The following OPCML variants were observed in gnomAD, a reference collection of about 807,000 sequenced individuals.
The protein encoded by OPCML is opioid binding protein/cell adhesion molecule like.
OPCML carries 13 observed loss-of-function variants against 37.8 expected under a neutral mutation model. The observed-to-expected ratio is 0.34, with a 90% CI of 0.22 to 0.55. The LOEUF (loss-of-function observed/expected upper bound fraction) is 0.55, where lower values mean the gene tolerates loss of function less well. OPCML is among the 20% of genes least tolerant of loss of function. OPCML has a pLI of 0.91. For missense variants in OPCML, 341 were observed against 435.6 expected (o/e 0.78, Z 1.93); for synonymous variants, 176 against 168.8 (o/e 1.04, Z -0.33).
chr11:133,304,540 A>G (rs181858266), intron 1 of OPCML, among the ~76,000 whole-genome samples: 333 of 152,320 alleles, frequency 2.2e-3, no homozygotes, highest in Non-Finnish European at 4.0e-3. Context: ...GTGCTTGGCC[A>G]TTCTATGCCG....
intron 1 of OPCML, among the ~76,000 whole-genome samples, chr11:133,377,574 CAA>C (rs1263080620): frequency 1.5e-5 from 2 of 131,944 alleles, no homozygotes; most frequent in Admixed American, 1.8e-4. Context: ...ACTCCCAGAC[CAA>C]GTCTCGTTAT....
At chr11:133,279,844 AT>A (rs1942096093) in intron 1 of OPCML, among the ~76,000 whole-genome samples, 1 of 152,204 alleles carries the variant, frequency 6.6e-6, no homozygotes, top group South Asian at 2.1e-4. Context: ...TTTTAAATTT[AT>A]TTTTCTCTCA....
rs1039334278 is a variant in OPCML, at chr11:133,005,576, C to A, written c.62-62566G>T. On this transcript the variant is annotated intron_variant, in intron 1 of 7. Coordinates refer to ENST00000524381, the MANE Select transcript of OPCML (RefSeq NM_001012393.5). ...ATTTTTGAAAAATATTTTAATATATCCCTTTCCTTAGGGACTACAGATGTT... is the reference window on the plus strand; with the variant it reads ...ATTTTTGAAAAATATTTTAATATATACCTTTCCTTAGGGACTACAGATGTT... The A allele has an allele frequency of 3.0e-5, 30 of 985,104 alleles. No individual in the cohort carries two copies. The African/African-American group carries it at 4.9e-4, about 16-fold the overall frequency. The allele number at this position is 985,104 out of a possible 1,614,324, so 61.0% of individuals were successfully genotyped here. A position where few individuals can be genotyped will look rare whatever the true frequency, so the allele number is the denominator to read the frequency against.
intron 2 of OPCML, among the ~76,000 whole-genome samples, chr11:132,846,801 C>T: frequency 6.6e-6 from 1 of 152,154 alleles, no homozygotes; most frequent in East Asian, 1.9e-4. Context: ...CAGGGAACTC[C>T]CTACCTTCCT....
chr11:132,605,859 T>C (rs1208957372), intron 3 of OPCML, among the ~76,000 whole-genome samples: 1 of 152,170 alleles, frequency 6.6e-6, no homozygotes, highest in African/African-American at 2.4e-5. Context: ...ACTGAATAAA[T>C]GAATGAATAA....
Position 132,548,913 on chromosome 11 carries a change from A to C in OPCML, c.380-19727T>G, listed in dbSNP as rs149244113. 3.4e-3 allele frequency among the ~76,000 whole-genome samples: 514 copies of C among 152,352 alleles called. 4 individuals carry two copies. Among genetic ancestry groups the C allele is most frequent in the African/African-American group, 0.012 (487 of 41,588 alleles). On this transcript the variant is annotated intron_variant, in intron 3 of 7. Coordinates refer to ENST00000524381, the MANE Select transcript of OPCML (RefSeq NM_001012393.5). ...TGTAAAATATATGTAAATTGTATAC[A>C]AAGAGACAATATTATCCTCACTCCC...
At chr11:132,862,802 T>C (rs1428010631) in intron 2 of OPCML, among the ~76,000 whole-genome samples, 2 of 152,228 alleles carry the variant, frequency 1.3e-5, no homozygotes, top group Admixed American at 1.3e-4. Flanking sequence ...AACTCTTCTC[T>C]AAAGCTTTTC....
At chr11:132,509,097 G>T (rs1038480788) in intron 4 of OPCML, among the ~76,000 whole-genome samples, 1 of 152,176 alleles carries the variant, frequency 6.6e-6, no homozygotes, top group South Asian at 2.1e-4. Flanking sequence ...TGAGGAACTT[G>T]TTGGGAAGTG....
At chr11:132,528,889 C>A (rs780683235) in intron 4 of OPCML, among the ~76,000 whole-genome samples, 172 bp downstream of exon 4, 16 of 152,206 alleles carry the variant, frequency 1.1e-4, no homozygotes, top group Non-Finnish European at 2.4e-4. Flanking sequence ...AGCAAATTTC[C>A]TCTATGAATC....
chr11:132,478,055 G>C (rs986922274), intron 4 of OPCML, among the ~76,000 whole-genome samples: 45 of 152,148 alleles, frequency 3.0e-4, no homozygotes, highest in African/African-American at 1.0e-3. Context: ...CAATTAGCAA[G>C]TTAGAAATTC....
intron 1 of OPCML, among the ~76,000 whole-genome samples, chr11:133,466,661 T>A (rs1946984303): frequency 6.6e-6 from 1 of 152,236 alleles, no homozygotes; most frequent in South Asian, 2.1e-4. Flanking sequence ...TTTTTCTCAG[T>A]TTAGAAAATG....
At chr11:133,235,950 A>T (rs918746467) in intron 1 of OPCML, among the ~76,000 whole-genome samples, 5 of 152,206 alleles carry the variant, frequency 3.3e-5, no homozygotes, top group African/African-American at 1.2e-4. Context: ...TCAGCAGGGG[A>T]TAGTTCCAAG....
intron 1 of OPCML, among the ~76,000 whole-genome samples, chr11:133,429,950 G>A (rs1384398146): frequency 2.6e-5 from 4 of 152,174 alleles, no homozygotes; most frequent in African/African-American, 9.7e-5. Flanking sequence ...TTTATCAGGA[G>A]CAGTGAGTCT....
chr11:133,311,265 G>T (rs1256405448), intron 1 of OPCML, among the ~76,000 whole-genome samples: 2 of 152,210 alleles, frequency 1.3e-5, no homozygotes, highest in Non-Finnish European at 1.5e-5. Flanking sequence ...TCTAGGGGTA[G>T]AAATTAGGGA....
chr11:133,076,688 C>A (rs1219397805), intron 1 of OPCML, among the ~76,000 whole-genome samples: 1 of 149,114 alleles, frequency 6.7e-6, no homozygotes, highest in Non-Finnish European at 1.5e-5. Flanking sequence ...TGAATGCAAG[C>A]CATCATCAGC....
chr11:133,008,491 C>T (rs890937178), intron 1 of OPCML: 7 of 896,666 alleles, frequency 7.8e-6, no homozygotes, highest in Admixed American at 1.2e-4. Flanking sequence ...GAGAGAAGAA[C>T]GTATTTCTCC....
intron 1 of OPCML, among the ~76,000 whole-genome samples, chr11:133,081,966 C>T (rs534374047): frequency 3.1e-4 from 47 of 152,248 alleles, no homozygotes; most frequent in Non-Finnish European, 5.0e-4. Flanking sequence ...CCCTGGGAGG[C>T]GTCCCTCAGC....
chr11:133,192,538 C>T lies in OPCML; in HGVS notation c.62-249528G>A, dbSNP rs1337764736. Among the ~76,000 whole-genome samples the T allele has an allele frequency of 2.0e-5, 3 of 152,314 alleles. No homozygotes were observed. In the East Asian group the frequency reaches 5.8e-4, roughly 29 times the overall value. On this transcript the variant is annotated intron_variant, in intron 1 of 7. Transcript: ENST00000524381. Reference sequence around the variant, plus strand: ...GTAAAACTTGCATTTCCTTTGTTTCCACCGCTGGTTGCCTATTCTTTGTCT... The same window carrying T: ...GTAAAACTTGCATTTCCTTTGTTTCTACCGCTGGTTGCCTATTCTTTGTCT...
At chr11:133,380,595 A>T (rs11223459) in intron 1 of OPCML, among the ~76,000 whole-genome samples, 103,609 of 152,036 alleles carry the variant, frequency 0.68, 35,781 homozygotes, top group East Asian at 0.88. Flanking sequence ...CATCAGTACA[A>T]TTTTTTAATT....
Sources: gnomAD v4.1 joint callset for allele counts (sites outside exome capture counted in the v4.1 genomes callset) on GRCh38, gnomAD v4.1.1 for gene constraint, MANE v1.5 for transcripts, NCBI Gene and HGNC (gene_info 2026-07-23, HGNC 2026-07-21) for gene names.